RBFOX1: variants seen among roughly 807,000 people sequenced by gnomAD.
RBFOX1 encodes the protein RNA binding protein fox-1 homolog 1.
RBFOX1 carries 8 observed loss-of-function variants against 57.7 expected under a neutral mutation model. The ratio of observed to expected loss-of-function variants is 0.14; its 90% CI spans 0.08 to 0.25. The LOEUF (loss-of-function observed/expected upper bound fraction) is 0.25. Ranked by LOEUF, RBFOX1 falls within the 10% of genes least tolerant of loss-of-function variation. The pLI, the probability that RBFOX1 is intolerant of heterozygous loss-of-function variation, is 1.00. For missense variants in RBFOX1, 611 were observed against 548.5 expected, an observed-to-expected ratio of 1.11 and a Z score of -1.14; for synonymous variants, 326 against 222.4, an observed-to-expected ratio of 1.47 and a Z score of -4.15.
intron 1 of RBFOX1, among the ~76,000 whole-genome samples, chr16:6,160,777 C>T (rs8046361): frequency 0.57 from 86,764 of 152,008 alleles, 25,967 homozygotes; most frequent in Admixed American, 0.68. Flanking sequence ...TATTCCATCC[C>T]GTCTTGGGCC....
At chr16:6,119,993 A>G (rs1230165720) in intron 1 of RBFOX1, among the ~76,000 whole-genome samples, 1 of 152,178 alleles carries the variant, frequency 6.6e-6, no homozygotes, top group Non-Finnish European at 1.5e-5. Context: ...CTCTATGTAT[A>G]GATTTTCCTT....
intron 10 of RBFOX1, among the ~76,000 whole-genome samples, chr16:7,625,174 G>A (rs552205172): frequency 1.1e-4 from 16 of 152,128 alleles, no homozygotes; most frequent in Admixed American, 2.6e-4. Flanking sequence ...AATGCGGGTC[G>A]CCATGATGTT....
chr16:6,129,972 C>T (rs35505825), intron 1 of RBFOX1, among the ~76,000 whole-genome samples: 1 of 151,886 alleles, frequency 6.6e-6, no homozygotes, highest in African/African-American at 2.4e-5. Context: ...GAAATAAACA[C>T]ATTTTCATCT....
intron 1 of RBFOX1, among the ~76,000 whole-genome samples, chr16:6,049,911 T>C (rs2095534893): frequency 6.6e-6 from 1 of 151,838 alleles, no homozygotes; most frequent in African/African-American, 2.4e-5. Flanking sequence ...TTGATTGATA[T>C]ATCTTTAAAA....
chr16:7,231,146 G>C (rs770202525), intron 4 of RBFOX1, among the ~76,000 whole-genome samples: 21 of 152,118 alleles, frequency 1.4e-4, no homozygotes, highest in Non-Finnish European at 2.8e-4. Context: ...TGTCTCCATG[G>C]TAGACAAGAG....
At chr16:6,322,059 T>C (rs2081869697) in intron 2 of RBFOX1, among the ~76,000 whole-genome samples, 1 of 152,216 alleles carries the variant, frequency 6.6e-6, no homozygotes. Flanking sequence ...CCTTAGTTAC[T>C]AACATTGTCT....
At chr16:7,204,259 TGCA>T (rs1291004455) in intron 4 of RBFOX1, among the ~76,000 whole-genome samples, 1 of 152,200 alleles carries the variant, frequency 6.6e-6, no homozygotes, top group Non-Finnish European at 1.5e-5. Flanking sequence ...ACCCTAAACT[TGCA>T]GCATCACTCA....
intron 2 of RBFOX1, among the ~76,000 whole-genome samples, chr16:6,394,552 A>G (rs962911909): frequency 6.6e-6 from 1 of 152,130 alleles, no homozygotes; most frequent in Admixed American, 6.6e-5. Context: ...TGCAAAAGAA[A>G]CGAGCTAGAA....
intron 4 of RBFOX1, among the ~76,000 whole-genome samples, chr16:7,248,681 G>C (rs983526234): frequency 6.6e-5 from 10 of 152,162 alleles, no homozygotes; most frequent in Admixed American, 5.9e-4. Context: ...AAGTACTGCA[G>C]ATAAGCACCA....
intron 1 of RBFOX1, among the ~76,000 whole-genome samples, chr16:6,235,087 A>T (rs978019495): frequency 6.6e-6 from 1 of 152,136 alleles, no homozygotes; most frequent in African/African-American, 2.4e-5. Flanking sequence ...TATGGAATAT[A>T]ATTTGCTCCT....
intron 1 of RBFOX1, among the ~76,000 whole-genome samples, chr16:6,188,003 T>C (rs2097116342): frequency 6.6e-6 from 1 of 152,232 alleles, no homozygotes; most frequent in African/African-American, 2.4e-5. Flanking sequence ...ACACATGTGC[T>C]GTGTGTATGT....
chr16:5,366,888 C>T (rs1194189478), intron 1 of RBFOX1, among the ~76,000 whole-genome samples: 1 of 152,124 alleles, frequency 6.6e-6, no homozygotes, highest in Non-Finnish European at 1.5e-5. Context: ...TCACCCTTTG[C>T]TTGGTCTTAA....
chr16:7,042,699 GC>G (rs1232302523), intron 3 of RBFOX1, among the ~76,000 whole-genome samples: 3 of 152,216 alleles, frequency 2.0e-5, no homozygotes, highest in African/African-American at 7.2e-5. Context: ...GCCCAGGCGG[GC>G]GGATCATTTG....
At chr16:6,390,362 T>G (rs1455727170) in intron 2 of RBFOX1, among the ~76,000 whole-genome samples, 1 of 152,166 alleles carries the variant, frequency 6.6e-6, no homozygotes, top group East Asian at 1.9e-4. Flanking sequence ...AATACTGAAC[T>G]GAAGGGCTGT....
intron 1 of RBFOX1, among the ~76,000 whole-genome samples, chr16:6,168,158 C>G (rs1336970750): frequency 6.6e-6 from 1 of 152,182 alleles, no homozygotes; most frequent in African/African-American, 2.4e-5. Context: ...TGCGGCTTAT[C>G]TTTCAAGAAC....
intron 4 of RBFOX1, among the ~76,000 whole-genome samples, chr16:7,306,799 AT>A (rs2096199747): frequency 6.6e-6 from 1 of 152,176 alleles, no homozygotes; most frequent in Non-Finnish European, 1.5e-5. Flanking sequence ...CACTTATTTT[AT>A]TTAGCATTCC....
chr16:6,351,705 A>G (rs1364848875), intron 2 of RBFOX1, among the ~76,000 whole-genome samples: 3 of 152,152 alleles, frequency 2.0e-5, no homozygotes, highest in African/African-American at 7.2e-5. Flanking sequence ...GTGTATACTA[A>G]ATATACAAGT....
At chr16:6,666,416 T>A (rs1324753166) in intron 3 of RBFOX1, among the ~76,000 whole-genome samples, 2 of 151,680 alleles carry the variant, frequency 1.3e-5, no homozygotes, top group East Asian at 3.9e-4. Context: ...GCACCTATAA[T>A]CCTAGCCATG....
intron 1 of RBFOX1, among the ~76,000 whole-genome samples, chr16:5,382,536 C>CA (rs2151394104): frequency 6.6e-6 from 1 of 152,218 alleles, no homozygotes; most frequent in South Asian, 2.1e-4. Flanking sequence ...TTCTGATTTG[C>CA]AAACAGGACT....
Sources: gnomAD v4.1 joint callset for allele counts (sites outside exome capture counted in the v4.1 genomes callset) on GRCh38, gnomAD v4.1.1 for gene constraint, MANE v1.5 for transcripts, NCBI Gene and HGNC (gene_info 2026-07-23, HGNC 2026-07-21) for gene names.